The following MOB3B variants were observed in gnomAD, a reference collection of about 807,000 sequenced individuals.
The protein encoded by MOB3B is MOB kinase activator-like 2B.
A neutral mutation model predicts 18.7 loss-of-function variants in MOB3B; 7 were observed. The ratio of observed to expected loss-of-function variants is 0.37; its 90% CI spans 0.21 to 0.70. The LOEUF (loss-of-function observed/expected upper bound fraction) is 0.70. MOB3B is among the 30% of genes least tolerant of loss of function. MOB3B has a pLI of 0.52. For missense variants in MOB3B, 253 were observed against 281.3 expected, an observed-to-expected ratio of 0.90 and a Z score of 0.72; for synonymous variants, 111 against 99.9, an observed-to-expected ratio of 1.11 and a Z score of -0.66.
At chr9:27,346,726 G>A (rs1217741753) in intron 3 of MOB3B, among the ~76,000 whole-genome samples, 2 of 152,166 alleles carry the variant, frequency 1.3e-5, no homozygotes, top group Non-Finnish European at 2.9e-5. Flanking sequence ...CGGGTGCGGT[G>A]GCTCATGCCT....
chr9:27,332,914 T>C (rs372051947), intron 3 of MOB3B, among the ~76,000 whole-genome samples: 12 of 152,248 alleles, frequency 7.9e-5, no homozygotes, highest in African/African-American at 2.7e-4. Flanking sequence ...GATAGTCTTA[T>C]GAATATGCAA....
At chr9:27,334,520 G>T (rs536773047) in intron 3 of MOB3B, among the ~76,000 whole-genome samples, 1 of 152,238 alleles carries the variant, frequency 6.6e-6, no homozygotes, top group East Asian at 1.9e-4. Context: ...AATTTTTTCT[G>T]TTCTGATCTA....
intron 1 of MOB3B, among the ~76,000 whole-genome samples, chr9:27,528,726 C>T (rs1820480108): frequency 6.6e-6 from 1 of 151,810 alleles, no homozygotes; most frequent in African/African-American, 2.4e-5. Flanking sequence ...CAGTCGGCTG[C>T]GTAGAGAGAT....
In MOB3B at chr9:27,405,993, T is replaced by C. The variant is rs940152356; in HGVS notation, c.419-46757A>G. Among the ~76,000 whole-genome samples the C allele has an allele frequency of 2.6e-5, 4 of 152,038 alleles. No homozygotes were observed. In the East Asian group the frequency reaches 7.7e-4, roughly 29 times the overall value. ...CATATCGAACTAGGAAAAACTAAAG[T>C]TTTTATCTAAGATTTGGAACAAGAC... On this transcript the variant is annotated intron_variant, in intron 2 of 3. Coordinates refer to ENST00000262244, the MANE Select transcript of MOB3B (RefSeq NM_024761.5).
At position 27,391,026 on chromosome 9, in the gene MOB3B, G is replaced by A. The variant is rs942524738; in HGVS notation, c.419-31790C>T. On this transcript the variant is annotated intron_variant, in intron 2 of 3. Coordinates refer to ENST00000262244, the MANE Select transcript of MOB3B (RefSeq NM_024761.5). ...GTGTTTACAAGTTACTCAGTCTACA[G>A]CATTTTCTTATAGCAGCCTGAACAG... 5.9e-5 allele frequency among the ~76,000 whole-genome samples: 9 copies of A among 152,290 alleles called. No homozygotes were observed. In the East Asian group the frequency reaches 1.5e-3, roughly 26 times the overall value.
intron 3 of MOB3B, among the ~76,000 whole-genome samples, chr9:27,356,937 A>T (rs1352655457): frequency 6.6e-6 from 1 of 151,300 alleles, no homozygotes; most frequent in Non-Finnish European, 1.5e-5. Context: ...GCCATCGATG[A>T]ATTCTTTCCA....
chr9:27,472,678 TAAAAAA>T (rs56092176), intron 1 of MOB3B, among the ~76,000 whole-genome samples: 3 of 98,902 alleles, frequency 3.0e-5, no homozygotes, highest in Non-Finnish European at 2.0e-5. Flanking sequence ...CACTTTATTC[TAAAAAA>T]AAAAAAAAAA....
intron 2 of MOB3B, among the ~76,000 whole-genome samples, chr9:27,392,806 T>A (rs1312040901): frequency 6.6e-6 from 1 of 152,222 alleles, no homozygotes; most frequent in African/African-American, 2.4e-5. Flanking sequence ...TTGGTCTTGG[T>A]TTCCTTATCT....
chr9:27,425,149 G>A (rs1252880311), intron 2 of MOB3B, among the ~76,000 whole-genome samples: 3 of 152,104 alleles, frequency 2.0e-5, no homozygotes, highest in Non-Finnish European at 4.4e-5. Context: ...GCCGAGGCAG[G>A]TGGATCACCT....
intron 2 of MOB3B, among the ~76,000 whole-genome samples, chr9:27,440,616 C>A (rs10126026): frequency 0.05 from 7,596 of 152,214 alleles, 403 homozygotes; most frequent in African/African-American, 0.14. Flanking sequence ...ATAAAATATT[C>A]ATTCAATTTT....
At chr9:27,484,070 T>G (rs571914348) in intron 1 of MOB3B, among the ~76,000 whole-genome samples, 3 of 152,346 alleles carry the variant, frequency 2.0e-5, no homozygotes, top group Middle Eastern at 3.4e-3. Context: ...AAGTTCTTCC[T>G]GCATCTTTGA....
intron 2 of MOB3B, among the ~76,000 whole-genome samples, chr9:27,451,616 C>T (rs1231210677): frequency 6.6e-6 from 1 of 152,080 alleles, no homozygotes; most frequent in East Asian, 1.9e-4. Context: ...GTTCTATTTC[C>T]TTGGATCACA....
At chr9:27,379,620 A>G (rs1033160256) in intron 2 of MOB3B, among the ~76,000 whole-genome samples, 4 of 152,176 alleles carry the variant, frequency 2.6e-5, no homozygotes, top group African/African-American at 9.7e-5. Context: ...CCATAGGAGC[A>G]GAAGGCACCA....
rs55684272 is a variant in MOB3B at position 27,420,548 on chromosome 9, CATATATATATATATATATAT to C, written c.418+34565_418+34584del. Among the ~76,000 whole-genome samples, 130 of 31,082 alleles carry C rather than the reference CATATATATATATATATATAT, an allele frequency of 4.2e-3. 4 individuals are homozygous for C. The highest frequency in any genetic ancestry group is 0.014 in the African/African-American group (85 of 6,232). The allele number at this position is 31,082 out of a possible 152,430, so 20.4% of individuals were successfully genotyped here. A position where few individuals can be genotyped will look rare whatever the true frequency, so the allele number is the denominator to read the frequency against. On this transcript the variant is annotated intron_variant, in intron 2 of 3. Transcript: ENST00000262244. Reference sequence around the variant, plus strand: ...ATCTATATATTCCATCTGTATATTCCATATATATATATATATATATATATATATATATATATATATATATA... The same window carrying C: ...ATCTATATATTCCATCTGTATATTCCATATATATATATATATATATATATA...
At chr9:27,433,741 G>A (rs372166725) in intron 2 of MOB3B, among the ~76,000 whole-genome samples, 243 of 152,268 alleles carry the variant, frequency 1.6e-3, no homozygotes, top group African/African-American at 5.6e-3. Flanking sequence ...TATTGAAGGT[G>A]CATGGGATTC....
At chr9:27,462,119 T>C (rs1819298967) in intron 1 of MOB3B, among the ~76,000 whole-genome samples, 1 of 152,140 alleles carries the variant, frequency 6.6e-6, no homozygotes, top group Non-Finnish European at 1.5e-5. Context: ...GTTGTAAAAA[T>C]AAATAGTAAA....
intron 1 of MOB3B, among the ~76,000 whole-genome samples, chr9:27,502,701 A>G (rs890090585): frequency 6.6e-6 from 1 of 152,292 alleles, no homozygotes; most frequent in Admixed American, 6.5e-5. Context: ...GCCACTACTG[A>G]AGGGTCAGAC....
In MOB3B at chr9:27,455,154, C is replaced by T; in HGVS notation, c.397G>A (p.Glu133Lys). 6.2e-7 allele frequency: 1 copy of T among 1,614,090 alleles called. No individual in the cohort carries two copies. Among genetic ancestry groups the T allele is most frequent in the Non-Finnish European group, 8.5e-7 (1 of 1,179,994 alleles). Residue 133 changes from glutamate to lysine, a missense_variant, in exon 2 of 4, where the codon GAA becomes AAA. By Grantham distance (56) the Glu-to-Lys change is moderately conservative. Coordinates refer to ENST00000262244, the MANE Select transcript of MOB3B (RefSeq NM_024761.5). ...TTACCCACGCATGTTGGAAATATTT[C>T]CTCGTTGTTGATCTGAACCTCAATC... ...DWIEVQINNE[E>K]IFPTCVGVPF... is the part of the protein sequence containing the mutation.
intron 2 of MOB3B, among the ~76,000 whole-genome samples, chr9:27,398,770 T>C (rs1215289695): frequency 6.6e-6 from 1 of 152,192 alleles, no homozygotes; most frequent in East Asian, 1.9e-4. Flanking sequence ...TATAATCAAA[T>C]ACTGTGATAC....
Sources: allele counts gnomAD v4.1 joint callset (sites outside exome capture counted in the v4.1 genomes callset), GRCh38; gene constraint gnomAD v4.1.1; transcripts MANE v1.5; gene names NCBI Gene and HGNC (gene_info 2026-07-23, HGNC 2026-07-21).